The following HYAL4 variants were observed in gnomAD, a reference collection of about 807,000 sequenced individuals.
The protein encoded by HYAL4 is hyaluronidase 4, also known as hyaluronidase-4.
A neutral mutation model predicts 35.2 loss-of-function variants in HYAL4; 37 were observed. That is an observed-to-expected ratio of 1.05 (90% confidence interval 0.81 to 1.38). HYAL4 has a LOEUF of 1.38. HYAL4 is among the 40% of genes most tolerant of loss of function. The probability of loss-of-function intolerance (pLI) is 0.00; values close to 1 mark genes in which losing one functional copy is unlikely to be tolerated. For missense variants in HYAL4, 572 were observed against 572.4 expected, an observed-to-expected ratio of 1.00 and a Z score of 0.01; for synonymous variants, 198 against 203.2, an observed-to-expected ratio of 0.97 and a Z score of 0.22.
chr7:123,873,589 T>C (rs987800060), intron 3 of HYAL4, among the ~76,000 whole-genome samples: 2 of 152,166 alleles, frequency 1.3e-5, no homozygotes, highest in African/African-American at 2.4e-5. Flanking sequence ...TAGCGTTTAA[T>C]TGGTAGAAAT....
chr7:123,824,126 T>C (rs1584905229), upstream of HYAL4, among the ~76,000 whole-genome samples: 1 of 152,350 alleles, frequency 6.6e-6, no homozygotes, highest in Middle Eastern at 3.4e-3. Context: ...ACCTACTAGC[T>C]GTGTGACCTT....
the HYAL4 span, among the ~76,000 whole-genome samples, chr7:123,810,571 A>G: frequency 3.3e-5 from 5 of 152,162 alleles, no homozygotes; most frequent in African/African-American, 7.2e-5. Context: ...GACTTGTTGT[A>G]TACTCCCTTC....
intron 2 of HYAL4, among the ~76,000 whole-genome samples, chr7:123,855,747 C>G (rs1806422516): frequency 1.3e-5 from 2 of 152,106 alleles, no homozygotes; most frequent in African/African-American, 2.4e-5. Flanking sequence ...GTTGGCCTGC[C>G]TTGCTTGGTT....
intron 2 of HYAL4, among the ~76,000 whole-genome samples, chr7:123,857,695 TTC>T (rs1806483727): frequency 6.6e-6 from 1 of 150,652 alleles, no homozygotes; most frequent in African/African-American, 2.5e-5. Context: ...CTTTCTTTCT[TTC>T]TTTCTTTCTT....
intron 2 of HYAL4, among the ~76,000 whole-genome samples, chr7:123,854,351 G>C (rs563254806): frequency 4.6e-5 from 7 of 152,210 alleles, no homozygotes; most frequent in African/African-American, 1.7e-4. Context: ...TTTCTGATGT[G>C]GGCATTTAGT....
chr7:123,837,081 G>A (rs562573795), intron 1 of HYAL4, among the ~76,000 whole-genome samples: 1 of 152,178 alleles, frequency 6.6e-6, no homozygotes, highest in South Asian at 2.1e-4. Context: ...CCTTTTAACA[G>A]TTCTTGTAGT....
rs1271190212 is a variant in HYAL4, at chr7:123,845,221, T to TC, written c.-586_-585insC. The TC allele has an allele frequency of 6.9e-6, 1 of 144,080 alleles. No individual in the cohort carries two copies. The highest frequency in any genetic ancestry group is 2.0e-4 in the East Asian group (1 of 5,024). 8.9% of individuals were successfully genotyped at this position (144,080 alleles called of 1,614,324 possible). On this transcript the variant is annotated 5_prime_UTR_variant, in exon 1 of 5. The change abolishes the stop of an existing upstream ORF in the 5' untranslated region. Coordinates refer to ENST00000223026, the MANE Select transcript of HYAL4 (RefSeq NM_012269.3). ...CTTTTCCTTTTTTTTTTTTTTTTTT[T>TC]TTTTTGAGATGAAGTCTTACTCTGT... is the stretch of plus-strand genomic sequence containing the variant.
At chr7:123,834,577 C>G (rs1230056294) in intron 1 of HYAL4, among the ~76,000 whole-genome samples, 2 of 152,074 alleles carry the variant, frequency 1.3e-5, no homozygotes, top group African/African-American at 4.8e-5. Context: ...TTATTTCTTT[C>G]TCTTGTCTGA....
intron 2 of HYAL4, among the ~76,000 whole-genome samples, chr7:123,857,673 C>CTTTCTTTGTTTCTTTCTTTG (rs1562999470): frequency 1.6e-5 from 1 of 60,896 alleles, no homozygotes; most frequent in African/African-American, 5.9e-5. Context: ...TTGTTTGTTT[C>CTTTCTTTGTTTCTTTCTTTG]TTTCTTTCTT....
chr7:123,826,368 C>G (rs536569263), upstream of HYAL4, among the ~76,000 whole-genome samples: 1 of 152,102 alleles, frequency 6.6e-6, no homozygotes, highest in African/African-American at 2.4e-5. Flanking sequence ...GCAAGCCACT[C>G]AGTACCCCAT....
At chr7:123,870,071 T>A (rs1806837175) in intron 3 of HYAL4, among the ~76,000 whole-genome samples, 1 of 152,238 alleles carries the variant, frequency 6.6e-6, no homozygotes. Flanking sequence ...ACATGTGTGA[T>A]GCAGTGATGT....
At chr7:123,781,705 T>G in the HYAL4 span, among the ~76,000 whole-genome samples, 1 of 152,172 alleles carries the variant, frequency 6.6e-6, no homozygotes, top group African/African-American at 2.4e-5. Context: ...CAAAAGTATC[T>G]CTTTAATATT....
At chr7:123,829,830 C>T (rs1346511911) in intron 1 of HYAL4, among the ~76,000 whole-genome samples, 2 of 152,008 alleles carry the variant, frequency 1.3e-5, no homozygotes, top group African/African-American at 4.8e-5. Context: ...GACCCCGTCT[C>T]AAAAAAATTT....
chr7:123,857,774 A>G (rs1164972429), intron 2 of HYAL4, among the ~76,000 whole-genome samples: 4 of 150,640 alleles, frequency 2.7e-5, no homozygotes, highest in Non-Finnish European at 5.9e-5. Context: ...CATAACATGT[A>G]CTATTTGTTA....
At chr7:123,771,169 A>C in the HYAL4 span, among the ~76,000 whole-genome samples, 10,042 of 152,236 alleles carry the variant, frequency 0.066, 421 homozygotes, top group East Asian at 0.11. Flanking sequence ...TCCTTTCCTG[A>C]TATAATATCA....
At chr7:123,786,638 G>T in the HYAL4 span, among the ~76,000 whole-genome samples, 1 of 151,980 alleles carries the variant, frequency 6.6e-6, no homozygotes, top group African/African-American at 2.4e-5. Flanking sequence ...AGTAAATGGG[G>T]TAGTTGCTTT....
intron 2 of HYAL4, among the ~76,000 whole-genome samples, chr7:123,853,663 A>T (rs1481889337): frequency 6.6e-6 from 1 of 152,160 alleles, no homozygotes; most frequent in Non-Finnish European, 1.5e-5. Flanking sequence ...ATCTATGTTC[A>T]TCAGGGATAT....
chr7:123,809,695 A>AC, the HYAL4 span, among the ~76,000 whole-genome samples: 1 of 151,954 alleles, frequency 6.6e-6, no homozygotes, highest in Admixed American at 6.6e-5. Flanking sequence ...CACTGCCCCC[A>AC]GCATTTGCAA....
chr7:123,815,438 AT>A, the HYAL4 span, among the ~76,000 whole-genome samples: 2 of 152,190 alleles, frequency 1.3e-5, no homozygotes, highest in African/African-American at 4.8e-5. Context: ...AACCAACTAC[AT>A]TTCTCATTAT....
Sources: gnomAD v4.1 joint callset for allele counts (sites outside exome capture counted in the v4.1 genomes callset) on GRCh38, gnomAD v4.1.1 for gene constraint, MANE v1.5 for transcripts, NCBI Gene and HGNC (gene_info 2026-07-23, HGNC 2026-07-21) for gene names.